ERC1: variants seen among roughly 807,000 people sequenced by gnomAD.
ERC1 encodes ELKS/RAB6-interacting/CAST family member 1, also known as RAB6 interacting protein 2.
A neutral mutation model predicts 132.0 loss-of-function variants in ERC1; 56 were observed. The observed-to-expected ratio is 0.42, with a 90% CI of 0.34 to 0.53. The LOEUF is 0.53. Among genes scored for constraint, ERC1 ranks in the 20% least tolerant of loss-of-function variants. ERC1 has a pLI of 0.03. For missense variants in ERC1, 1,202 were observed against 1,349.9 expected, an observed-to-expected ratio of 0.89 and a Z score of 1.72; for synonymous variants, 478 against 476.1, an observed-to-expected ratio of 1.00 and a Z score of -0.05.
At chr12:1,386,411 G>A (rs1193858898) in intron 16 of ERC1, among the ~76,000 whole-genome samples, 12 of 150,492 alleles carry the variant, frequency 8.0e-5, no homozygotes, top group African/African-American at 2.4e-4. Flanking sequence ...ACTTTGGGAC[G>A]CCAAGGCAGG....
chr12:1,309,470 A>G (rs1468986961), intron 15 of ERC1, among the ~76,000 whole-genome samples: 1 of 152,208 alleles, frequency 6.6e-6, no homozygotes. Context: ...ATGTCAGACT[A>G]TAGGGGAAGT....
intron 12 of ERC1, among the ~76,000 whole-genome samples, chr12:1,207,610 T>C (rs1420956596): frequency 6.6e-6 from 1 of 152,218 alleles, no homozygotes; most frequent in East Asian, 1.9e-4. Flanking sequence ...CTCTTTTGAA[T>C]AACTCATTGG....
At chr12:1,413,799 A>G (rs1426009549) in intron 17 of ERC1, among the ~76,000 whole-genome samples, 1 of 152,230 alleles carries the variant, frequency 6.6e-6, no homozygotes, top group African/African-American at 2.4e-5. Flanking sequence ...TCCAATAGCC[A>G]TGAAGTCTTA....
intron 12 of ERC1, among the ~76,000 whole-genome samples, chr12:1,214,140 A>G (rs545191400): frequency 5.9e-4 from 90 of 152,254 alleles, no homozygotes; most frequent in African/African-American, 2.1e-3. Flanking sequence ...TTTATGTACT[A>G]TGTACACCAT....
At chr12:1,457,720 T>C (rs981752007) in intron 18 of ERC1, among the ~76,000 whole-genome samples, 3 of 151,536 alleles carry the variant, frequency 2.0e-5, no homozygotes, top group Non-Finnish European at 2.9e-5. Flanking sequence ...ACTTTAAAAG[T>C]TAATCGAAAA....
chr12:1,387,240 G>A (rs546201335), intron 16 of ERC1, among the ~76,000 whole-genome samples: 141 of 152,288 alleles, frequency 9.3e-4, no homozygotes, highest in African/African-American at 3.2e-3. Context: ...AAGTGATGCT[G>A]TTTAGATGGA....
At chr12:1,121,669 CTATCTCTA>C (rs1229429495) in intron 7 of ERC1, among the ~76,000 whole-genome samples, 1 of 7,892 alleles carries the variant, frequency 1.3e-4, no homozygotes, top group East Asian at 0.042. Context: ...ATCTCTATCT[CTATCTCTA>C]TCTATCTCTA....
chr12:1,228,233 A>G (rs1002617423), intron 12 of ERC1, among the ~76,000 whole-genome samples: 2 of 152,222 alleles, frequency 1.3e-5, no homozygotes, highest in Non-Finnish European at 1.5e-5. Flanking sequence ...TTTGAGTAGT[A>G]TGGACATTTT....
At chr12:1,225,628 A>G (rs987566368) in intron 12 of ERC1, among the ~76,000 whole-genome samples, 2 of 152,236 alleles carry the variant, frequency 1.3e-5, no homozygotes, top group Non-Finnish European at 2.9e-5. Context: ...ACTCTTCGAT[A>G]TAATTGTGAT....
chr12:1,318,592 C>A (rs2081923013), intron 15 of ERC1, among the ~76,000 whole-genome samples: 1 of 152,296 alleles, frequency 6.6e-6, no homozygotes, highest in East Asian at 1.9e-4. Flanking sequence ...AAAACTCAAT[C>A]ATTAATCCTC....
chr12:1,387,771 G>A (rs1240395052), intron 16 of ERC1, among the ~76,000 whole-genome samples: 1 of 152,226 alleles, frequency 6.6e-6, no homozygotes, highest in Non-Finnish European at 1.5e-5. Flanking sequence ...CGCTAGAACT[G>A]TGAGAGAGTA....
At chr12:1,314,090 T>C (rs2081515308) in intron 15 of ERC1, among the ~76,000 whole-genome samples, 1 of 152,220 alleles carries the variant, frequency 6.6e-6, no homozygotes, top group Non-Finnish European at 1.5e-5. Flanking sequence ...ACATCCTGTC[T>C]ACTTCATCAG....
rs150210124 is a variant in ERC1, at chr12:1,120,609, T to A, written c.1569+4576T>A. ...GTGATGCTATACTAGGGACCTACCA[T>A]TAAATGTATTTTCAGGATGAATTCT... On this transcript the variant is annotated intron_variant, in intron 7 of 18. Coordinates refer to ENST00000360905, the MANE Select transcript of ERC1 (RefSeq NM_178040.4). 1.5e-3 allele frequency among the ~76,000 whole-genome samples: 234 copies of A among 152,296 alleles called. 3 individuals are homozygous for A. The highest frequency in any genetic ancestry group is 5.3e-3 in the African/African-American group (222 of 41,564).
chr12:1,166,164 T>C (rs1248346440), intron 8 of ERC1, among the ~76,000 whole-genome samples: 1 of 152,192 alleles, frequency 6.6e-6, no homozygotes, highest in Non-Finnish European at 1.5e-5. Flanking sequence ...CATCTTGAAT[T>C]GTAATAACCA....
At chr12:1,174,394 A>T (rs890947745) in intron 8 of ERC1, among the ~76,000 whole-genome samples, 1 of 152,088 alleles carries the variant, frequency 6.6e-6, no homozygotes, top group African/African-American at 2.4e-5. Flanking sequence ...ATCCCTTTTC[A>T]CTCCGACTCA....
intron 13 of ERC1, among the ~76,000 whole-genome samples, chr12:1,245,162 T>C (rs920754934): frequency 1.3e-5 from 2 of 152,230 alleles, no homozygotes; most frequent in Non-Finnish European, 2.9e-5. Context: ...AAAGAATACT[T>C]ATAACATGAT....
intron 12 of ERC1, among the ~76,000 whole-genome samples, chr12:1,211,467 G>A (rs898045643): frequency 7.2e-5 from 11 of 152,098 alleles, no homozygotes; most frequent in Non-Finnish European, 1.6e-4. Flanking sequence ...ATGTTAAAAG[G>A]AAAGTACTTT....
At chr12:1,248,897 T>A (rs569557437) in intron 13 of ERC1, among the ~76,000 whole-genome samples, 5 of 152,098 alleles carry the variant, frequency 3.3e-5, no homozygotes, top group South Asian at 2.1e-4. Flanking sequence ...TAAAAAAAAA[T>A]TTTTGGAGAC....
At chr12:1,289,526 A>C (rs939613661) in intron 14 of ERC1, among the ~76,000 whole-genome samples, 2 of 152,038 alleles carry the variant, frequency 1.3e-5, no homozygotes, top group Non-Finnish European at 2.9e-5. Flanking sequence ...TTTCCATGGA[A>C]ATTTCTGGGT....
Sources: allele counts gnomAD v4.1 joint callset (sites outside exome capture counted in the v4.1 genomes callset), GRCh38; gene constraint gnomAD v4.1.1; transcripts MANE v1.5; gene names NCBI Gene and HGNC (gene_info 2026-07-23, HGNC 2026-07-21).